Variants in ZNF81 observed in about 807,000 individuals in gnomAD.
ZNF81 encodes the protein zinc finger protein 81 (HFZ20).
In ZNF81, 5 loss-of-function variants were observed where a neutral mutation model predicts 32.3. That is an observed-to-expected ratio of 0.15 (90% CI 0.08 to 0.33). ZNF81 has a LOEUF of 0.33. ZNF81 is among the 10% of genes least tolerant of loss of function. The pLI, the probability that ZNF81 is intolerant of heterozygous loss-of-function variation, is 1.00. For missense variants in ZNF81, 379 were observed against 479.8 expected (o/e 0.79, Z 1.96); for synonymous variants, 163 against 166.8 (o/e 0.98, Z 0.17).
chrX:47,899,275 C>T (rs2058690264), intron 4 of ZNF81, among the ~76,000 whole-genome samples: 1 of 67,984 alleles, frequency 1.5e-5, no homozygotes, highest in Non-Finnish European at 2.9e-5. Flanking sequence ...CTTTCTAATC[C>T]TAGCTTGTTT....
chrX:47,851,348 C>T (rs1022561314), intron 2 of ZNF81, among the ~76,000 whole-genome samples: 108 of 111,560 alleles, frequency 9.7e-4, no homozygotes, highest in African/African-American at 3.3e-3. Flanking sequence ...TTGCCTGCCT[C>T]GTGGGTTGTG....
chrX:47,893,426 A>C (rs1556886719), intron 3 of ZNF81, among the ~76,000 whole-genome samples: 2 of 111,413 alleles, frequency 1.8e-5, no homozygotes, highest in Non-Finnish European at 3.8e-5. Flanking sequence ...CCAACAAGAC[A>C]GGAAACAGGT....
chrX:47,837,455 C>A (rs1033679737), intron 1 of ZNF81, among the ~76,000 whole-genome samples: 1 of 112,013 alleles, frequency 8.9e-6, no homozygotes, highest in Non-Finnish European at 1.9e-5. Context: ...TCTATTACTT[C>A]GAGGAGAGAG....
chrX:47,908,898 C>T (rs1305549006), intron 4 of ZNF81, among the ~76,000 whole-genome samples: 6 of 111,468 alleles, frequency 5.4e-5, no homozygotes, highest in African/African-American at 1.3e-4. Context: ...TGGTGGTTAC[C>T]GCTGAGAGTC....
intron 2 of ZNF81, among the ~76,000 whole-genome samples, chrX:47,883,839 G>C (rs1452504319): frequency 8.9e-6 from 1 of 112,127 alleles, no homozygotes; most frequent in Non-Finnish European, 1.9e-5. Context: ...CCACTACTCA[G>C]TATTCACACC....
At chrX:47,907,484 G>A (rs1217828136) in intron 4 of ZNF81, among the ~76,000 whole-genome samples, 1 of 110,464 alleles carries the variant, frequency 9.1e-6, no homozygotes, top group African/African-American at 3.3e-5. Context: ...AAGTAAGTGT[G>A]TATAAAAGTT....
intron 3 of ZNF81, among the ~76,000 whole-genome samples, chrX:47,893,398 A>T (rs1165037207): frequency 9.0e-6 from 1 of 111,584 alleles, no homozygotes; most frequent in African/African-American, 3.3e-5. Context: ...GTTCCAAATT[A>T]TCCTTAGTAA....
chrX:47,885,780 C>CAT (rs1556885676), intron 2 of ZNF81, among the ~76,000 whole-genome samples: 7 of 111,975 alleles, frequency 6.3e-5, no homozygotes, highest in Non-Finnish European at 1.9e-5. Context: ...TTCCAAAGGT[C>CAT]ATACCTCTTA....
intron 3 of ZNF81, among the ~76,000 whole-genome samples, chrX:47,894,267 T>C (rs1272196050): frequency 1.8e-5 from 2 of 111,114 alleles, no homozygotes; most frequent in African/African-American, 6.6e-5. Context: ...GTGAGGGTGA[T>C]CAAATATTAC....
At chrX:47,884,740 A>T (rs2058634850) in intron 2 of ZNF81, among the ~76,000 whole-genome samples, 1 of 111,704 alleles carries the variant, frequency 9.0e-6, no homozygotes, top group South Asian at 3.7e-4. Flanking sequence ...TTTCAGAGAG[A>T]TCTATGGGTG....
At chrX:47,883,888 T>C (rs2058630339) in intron 2 of ZNF81, among the ~76,000 whole-genome samples, 1 of 111,694 alleles carries the variant, frequency 9.0e-6, no homozygotes, top group African/African-American at 3.3e-5. Flanking sequence ...GGGCTGGACC[T>C]AGTGACTTGC....
Position 47,842,194 on chromosome X carries a change from G to A in ZNF81, c.-163-3911G>A, listed in dbSNP as rs185106137. 2.3e-4 allele frequency among the ~76,000 whole-genome samples: 26 copies of A among 111,747 alleles called. No homozygotes were observed. The East Asian group carries it at 7.3e-3, about 31-fold the overall frequency. ...ATACTCTGTACGACTTCAATTTGTG[G>A]AGGTGTTTTATGACCCCCGGTGTGG... On this transcript the variant is annotated intron_variant, in intron 1 of 4. Coordinates refer to ENST00000338637, the MANE Select transcript of ZNF81 (RefSeq NM_007137.5).
chrX:47,839,960 G>A (rs1051126157), intron 1 of ZNF81, among the ~76,000 whole-genome samples: 4 of 110,408 alleles, frequency 3.6e-5, no homozygotes, highest in East Asian at 5.6e-4. Context: ...ATCAGCTATC[G>A]TTAGTGTTAG....
Position 47,869,372 on chromosome X carries a change from G to A in ZNF81, c.55-18627G>A, listed in dbSNP as rs538426041. Among the ~76,000 whole-genome samples, 2 of 111,855 alleles carry A rather than the reference G, an allele frequency of 1.8e-5. 1 individual carries two copies. Among genetic ancestry groups the A allele is most frequent in the South Asian group, 7.5e-4 (2 of 2,683 alleles). On this transcript the variant is annotated intron_variant, in intron 2 of 4. Coordinates refer to ENST00000338637, the MANE Select transcript of ZNF81 (RefSeq NM_007137.5). ...TTCATCAGGAAAAACAGGACATGGC[G>A]TGGGCACAGGACATGGTCTGTGTAA...
At chrX:47,856,937 C>T (rs1378743576) in intron 2 of ZNF81, among the ~76,000 whole-genome samples, 3 of 110,896 alleles carry the variant, frequency 2.7e-5, no homozygotes, top group African/African-American at 9.9e-5. Context: ...TACAGCGAGA[C>T]TCCTTCTCGA....
rs1468545517 is a variant in ZNF81, at chrX:47,922,717, T to A, written c.*6085T>A. On this transcript the variant is annotated 3_prime_UTR_variant, in exon 5 of 5. Coordinates refer to ENST00000338637, the MANE Select transcript of ZNF81 (RefSeq NM_007137.5). ...AAGCATATTTCTTTCCTCGGGCTGCTATAACAAAGTACCACAAATTGGGCA... is the reference window on the plus strand; with the variant it reads ...AAGCATATTTCTTTCCTCGGGCTGCAATAACAAAGTACCACAAATTGGGCA... 8.9e-6 allele frequency among the ~76,000 whole-genome samples: 1 copy of A among 111,763 alleles called. No homozygotes were observed. The highest frequency in any genetic ancestry group is 1.9e-5 in the Non-Finnish European group (1 of 53,168).
chrX:47,858,414 T>C (rs977128301), intron 2 of ZNF81, among the ~76,000 whole-genome samples: 4 of 112,160 alleles, frequency 3.6e-5, no homozygotes, highest in African/African-American at 1.3e-4. Context: ...GTCTTATACT[T>C]TTCCAGAATT....
At chrX:47,840,875 G>A (rs1603160290) in intron 1 of ZNF81, 4 of 421,072 alleles carry the variant, frequency 9.5e-6, no homozygotes, top group Non-Finnish European at 1.7e-5. Flanking sequence ...AAACTTCTCT[G>A]AAGATACTTG....
intron 4 of ZNF81, among the ~76,000 whole-genome samples, chrX:47,909,230 T>A (rs1347962753): frequency 8.9e-6 from 1 of 112,455 alleles, no homozygotes; most frequent in Non-Finnish European, 1.9e-5. Context: ...ACCACATTTA[T>A]GCCAACACTC....
Sources: allele counts gnomAD v4.1 joint callset (sites outside exome capture counted in the v4.1 genomes callset), GRCh38; gene constraint gnomAD v4.1.1; transcripts MANE v1.5; gene names NCBI Gene and HGNC (gene_info 2026-07-23, HGNC 2026-07-21).